Variants in DPT observed in about 807,000 individuals in gnomAD.
DPT encodes the protein dermatopontin, also known as tyrosine-rich acidic matrix protein.
DPT carries 21 observed loss-of-function variants against 31.2 expected under a neutral mutation model. The ratio of observed to expected loss-of-function variants is 0.67; its 90% CI spans 0.48 to 0.97. The LOEUF is 0.97. DPT is among the 50% of genes least tolerant of loss of function. The pLI, the probability that DPT is intolerant of heterozygous loss-of-function variation, is 0.00. For synonymous variants in DPT, 91 were observed against 86.9 expected, an observed-to-expected ratio of 1.05 and a Z score of -0.26; for missense variants, 262 against 258.8, an observed-to-expected ratio of 1.01 and a Z score of -0.08.
chr1:168,711,241 C>T (rs572717294), intron 2 of DPT, among the ~76,000 whole-genome samples: 55 of 151,478 alleles, frequency 3.6e-4, no homozygotes, highest in Middle Eastern at 3.4e-3. Flanking sequence ...AGCATGGTCT[C>T]GATCTCCTGA....
chr1:168,723,128 C>A (rs1201719566), intron 1 of DPT, among the ~76,000 whole-genome samples: 3 of 152,240 alleles, frequency 2.0e-5, no homozygotes, highest in Middle Eastern at 3.2e-3. Context: ...CCACACTCAG[C>A]CTTCTTGCCC....
At chr1:168,715,254 T>C (rs1404905241) in intron 1 of DPT, among the ~76,000 whole-genome samples, 1 of 152,260 alleles carries the variant, frequency 6.6e-6, no homozygotes, top group Non-Finnish European at 1.5e-5. Context: ...TGACTTAGAA[T>C]AGTACAATCA....
At chr1:168,702,025 A>T (rs1649610297) in intron 2 of DPT, among the ~76,000 whole-genome samples, 1 of 151,904 alleles carries the variant, frequency 6.6e-6, no homozygotes, top group Non-Finnish European at 1.5e-5. Context: ...GAGTAGGTCC[A>T]TGGTAGTCCA....
chr1:168,717,959 G>C (rs1650021956), intron 1 of DPT, among the ~76,000 whole-genome samples: 1 of 152,234 alleles, frequency 6.6e-6, no homozygotes, highest in Non-Finnish European at 1.5e-5. Flanking sequence ...CTAATTCTTA[G>C]TAAAGTAGGT....
intron 1 of DPT, among the ~76,000 whole-genome samples, chr1:168,720,281 T>C (rs1395900801): frequency 1.3e-5 from 2 of 152,274 alleles, no homozygotes; most frequent in South Asian, 2.1e-4. Context: ...AGAAATATAA[T>C]AAATCTCTTC....
At chr1:168,727,392 T>C (rs568690863) in intron 1 of DPT, among the ~76,000 whole-genome samples, 1 of 152,308 alleles carries the variant, frequency 6.6e-6, no homozygotes, top group African/African-American at 2.4e-5. Flanking sequence ...AAGCACTCAA[T>C]AAATGGTAGC....
At chr1:168,727,581 A>G (rs1297785129) in intron 1 of DPT, among the ~76,000 whole-genome samples, 1 of 141,642 alleles carries the variant, frequency 7.1e-6, no homozygotes, top group East Asian at 2.1e-4. Flanking sequence ...TCTGCCACCC[A>G]GGAGGGAATA....
chr1:168,723,225 T>C (rs1650163274), intron 1 of DPT, among the ~76,000 whole-genome samples: 1 of 152,256 alleles, frequency 6.6e-6, no homozygotes, highest in African/African-American at 2.4e-5. Flanking sequence ...AACATCAGCA[T>C]TTCATATCAC....
chr1:168,696,716 G>T, intron 3 of DPT, 101 bp from the exon 4 acceptor site: 3 of 1,010,628 alleles, frequency 3.0e-6, no homozygotes, highest in Non-Finnish European at 4.5e-6. Flanking sequence ...GGAGGATCTG[G>T]GAACTGAAGG....
In DPT at chr1:168,706,457, T is replaced by A. The variant is rs563132479; in HGVS notation, c.432-5333A>T. 4.7e-4 allele frequency among the ~76,000 whole-genome samples: 71 copies of A among 152,284 alleles called. No homozygotes were observed. The South Asian group carries it at 0.014, about 30-fold the overall frequency. On this transcript the variant is annotated intron_variant, in intron 2 of 3. Coordinates refer to ENST00000367817, the MANE Select transcript of DPT (RefSeq NM_001937.5). ...ATTAGGAGCTACATCAGACCCCCTT[T>A]GAATTAGTTTTGTAAAGACAGAAAA...
chr1:168,702,451 C>A (rs566380651), intron 2 of DPT, among the ~76,000 whole-genome samples: 3 of 152,076 alleles, frequency 2.0e-5, no homozygotes, highest in Non-Finnish European at 2.9e-5. Flanking sequence ...TTTCCTAAGA[C>A]GTAATTATGC....
intron 2 of DPT, among the ~76,000 whole-genome samples, chr1:168,712,622 C>T (rs1649893659): frequency 6.6e-6 from 1 of 152,196 alleles, no homozygotes; most frequent in Non-Finnish European, 1.5e-5. Context: ...TACCTACTCT[C>T]CCCTTTCATT....
chr1:168,724,840 A>C (rs1650202187), intron 1 of DPT, among the ~76,000 whole-genome samples: 1 of 127,934 alleles, frequency 7.8e-6, no homozygotes, highest in South Asian at 2.8e-4. Context: ...TGTTGCATAG[A>C]TTCTTTCTCC....
intron 3 of DPT, among the ~76,000 whole-genome samples, chr1:168,697,863 T>C (rs1050575401): frequency 9.9e-5 from 15 of 152,222 alleles, no homozygotes; most frequent in African/African-American, 3.6e-4. Flanking sequence ...ACTCAAATCT[T>C]GGTCTTTCTC....
At chr1:168,708,019 G>T (rs990380738) in intron 2 of DPT, among the ~76,000 whole-genome samples, 1 of 152,118 alleles carries the variant, frequency 6.6e-6, no homozygotes, top group African/African-American at 2.4e-5. Context: ...AGAAACTCAA[G>T]TCCTTGATCT....
At chr1:168,723,704 T>C (rs918158782) in intron 1 of DPT, among the ~76,000 whole-genome samples, 2 of 152,228 alleles carry the variant, frequency 1.3e-5, no homozygotes, top group African/African-American at 4.8e-5. Flanking sequence ...ATTGCTTCAG[T>C]CTCATGGCCT....
In DPT at chr1:168,714,218, C is replaced by T. The variant is rs770284204; in HGVS notation, c.431+3G>A. Reference sequence around the variant, plus strand: ...TGAGGGTTTGGTCGGCTGCCAGACTCACCAGCAGGAATATGGGCACCTCTT... The same window carrying T: ...TGAGGGTTTGGTCGGCTGCCAGACTTACCAGCAGGAATATGGGCACCTCTT... On this transcript the variant is annotated splice_donor_region_variant and intron_variant, in intron 2 of 3. Coordinates refer to ENST00000367817, the MANE Select transcript of DPT (RefSeq NM_001937.5). 18 of 1,614,054 alleles carry T rather than the reference C, an allele frequency of 1.1e-5. No homozygotes were observed. The highest frequency in any genetic ancestry group is 1.6e-4 in the Middle Eastern group (1 of 6,062).
chr1:168,720,761 C>CG (rs1227019119), intron 1 of DPT, among the ~76,000 whole-genome samples: 1 of 152,136 alleles, frequency 6.6e-6, no homozygotes, highest in African/African-American at 2.4e-5. Flanking sequence ...ATTTCTTTCC[C>CG]GCCCCAAAGG....
At chr1:168,702,849 T>C (rs541086862) in intron 2 of DPT, among the ~76,000 whole-genome samples, 2 of 152,198 alleles carry the variant, frequency 1.3e-5, no homozygotes, top group East Asian at 1.9e-4. Flanking sequence ...TGACCTTAAG[T>C]GATCCACCCG....
Sources: allele counts gnomAD v4.1 joint callset (sites outside exome capture counted in the v4.1 genomes callset), GRCh38; gene constraint gnomAD v4.1.1; transcripts MANE v1.5; gene names NCBI Gene and HGNC (gene_info 2026-07-23, HGNC 2026-07-21).